Variants in TTC21B observed in about 807,000 individuals in gnomAD.
The protein encoded by TTC21B is tetratricopeptide repeat protein 21B.
Under a neutral mutation model 175.1 loss-of-function variants are expected in TTC21B, and 127 were observed. The observed-to-expected ratio is 0.73, with a 90% CI of 0.63 to 0.84. The LOEUF is 0.84. Among genes scored for constraint, TTC21B ranks in the 40% least tolerant of loss-of-function variants. The pLI is 0.00. For synonymous variants in TTC21B, 524 were observed against 524.5 expected (o/e 1.00, Z 0.01); for missense variants, 1,561 against 1,558.3 (o/e 1.00, Z -0.03).
intron 1 of TTC21B, chr2:165,949,951 A>C (rs1486267881): frequency 2.4e-6 from 1 of 412,388 alleles, no homozygotes; most frequent in Admixed American, 4.1e-5. Flanking sequence ...TAATAATTTA[A>C]ATTATTTTTC....
At chr2:165,910,820 G>C (rs772033285) in intron 18 of TTC21B, among the ~76,000 whole-genome samples, 1 of 151,832 alleles carries the variant, frequency 6.6e-6, no homozygotes, top group Non-Finnish European at 1.5e-5. Context: ...AAAAATTGCA[G>C]AAAAGGAAGA....
At chr2:165,913,699 A>AAAAAT (rs1686042028) in intron 15 of TTC21B, 53 bp from the exon 16 acceptor site, 3 of 1,429,518 alleles carry the variant, frequency 2.1e-6, no homozygotes, top group East Asian at 2.3e-5. Flanking sequence ...ATCTTCTTCC[A>AAAAAT]AAAATAAAAT....
At chr2:165,909,504 A>G (rs1004289078) in intron 18 of TTC21B, among the ~76,000 whole-genome samples, 4 of 152,162 alleles carry the variant, frequency 2.6e-5, no homozygotes, top group Admixed American at 2.6e-4. Context: ...TTAAAGACAA[A>G]GAATATAAAT....
rs1685457551 is a variant in TTC21B at position 165,898,850 on chromosome 2, A to G, written c.2869-83T>C. The G allele has an allele frequency of 1.0e-5, 9 of 864,800 alleles. No homozygotes were observed. The South Asian group carries it at 1.2e-4, about 12-fold the overall frequency. The allele number at this position is 864,800 out of a possible 1,614,324, so 53.6% of individuals were successfully genotyped here. ...TTCCAATCAAGATTTAGCACTAGAAAAATATAGATGATAAACATGAGGAGG... is the reference window on the plus strand; with the variant it reads ...TTCCAATCAAGATTTAGCACTAGAAGAATATAGATGATAAACATGAGGAGG... On this transcript the variant is annotated intron_variant, in intron 21 of 28. Transcript: ENST00000243344.
intron 4 of TTC21B, among the ~76,000 whole-genome samples, chr2:165,944,802 T>C (rs1687492499): frequency 6.6e-6 from 1 of 152,154 alleles, no homozygotes; most frequent in Non-Finnish European, 1.5e-5. Flanking sequence ...TCAAGTAACA[T>C]GTCTCATTTC....
rs758150944 is a variant in TTC21B at position 165,883,919 on chromosome 2, T to C, written c.3559A>G (p.Asn1187Asp). The C allele has an allele frequency of 2.5e-6, 4 of 1,614,042 alleles. No individual in the cohort carries two copies. The East Asian group carries it at 6.7e-5, about 27-fold the overall frequency. ...RNQLKRIAKM[N>D]WNAIDAEEFE... ...TCTTCAGCATCAATAGCATTCCAATTCATTTTCGCAATACGCTTCAGCTGG... is the reference window on the plus strand; with the variant it reads ...TCTTCAGCATCAATAGCATTCCAATCCATTTTCGCAATACGCTTCAGCTGG... Residue 1187 changes from asparagine (N) to aspartate (D), a missense_variant, in exon 26 of 29, where the codon AAT becomes GAT. Physicochemically the swap from Asn to Asp is conservative, Grantham distance 23 (BLOSUM62 1). Transcript: ENST00000243344.
chr2:165,881,728 T>C (rs1279941398), intron 26 of TTC21B, among the ~76,000 whole-genome samples: 1 of 152,130 alleles, frequency 6.6e-6, no homozygotes, highest in Non-Finnish European at 1.5e-5. Flanking sequence ...CACTGAGGCA[T>C]AAAAACATGG....
intron 1 of TTC21B, among the ~76,000 whole-genome samples, chr2:165,952,296 T>G (rs965970526): frequency 2.0e-5 from 3 of 152,254 alleles, no homozygotes; most frequent in Admixed American, 1.3e-4. Context: ...CAAATTTCAG[T>G]GTTCATAAAT....
intron 24 of TTC21B, among the ~76,000 whole-genome samples, chr2:165,889,369 A>C (rs12615254): frequency 0.018 from 2,745 of 152,240 alleles, 118 homozygotes; most frequent in Admixed American, 0.099. Context: ...CTTAAATGTT[A>C]GCAAGCTTAA....
intron 5 of TTC21B, among the ~76,000 whole-genome samples, chr2:165,941,562 C>A (rs1443771820): frequency 6.6e-6 from 1 of 151,814 alleles, no homozygotes; most frequent in Non-Finnish European, 1.5e-5. Flanking sequence ...AATTTTGCAT[C>A]TTTTTTAAGA....
In TTC21B at chr2:165,953,756, C is replaced by T; in HGVS notation, c.-51G>A. The T allele has an allele frequency of 6.5e-7, 1 of 1,546,312 alleles. No homozygotes were observed. The highest frequency in any genetic ancestry group is 1.2e-5 in the South Asian group (1 of 83,982). On this transcript the variant is annotated 5_prime_UTR_variant, in exon 1 of 29. Transcript: ENST00000243344. The stretch of plus-strand genomic sequence containing the variant: ...GCTCTGGGGATTGTCTCGCCGCAGC[C>T]TAAAGGAAGACGCAGAATTCAGCTC...
intron 22 of TTC21B, among the ~76,000 whole-genome samples, chr2:165,896,822 G>A (rs535991678): frequency 1.3e-5 from 2 of 152,208 alleles, no homozygotes; most frequent in African/African-American, 4.8e-5. Context: ...ATTAGATTCA[G>A]CTAAAAGATA....
At chr2:165,902,109 C>T (rs1305899458) in intron 19 of TTC21B, among the ~76,000 whole-genome samples, 199 bp from the exon 20 acceptor site, 2 of 152,152 alleles carry the variant, frequency 1.3e-5, no homozygotes, top group South Asian at 2.1e-4. Flanking sequence ...TATATCTTTC[C>T]AACAAAACAC....
intron 20 of TTC21B, 62 bp from the exon 21 acceptor site, chr2:165,899,942 T>C (rs1241342063): frequency 3.1e-6 from 3 of 979,054 alleles, no homozygotes; most frequent in African/African-American, 3.6e-5. Context: ...ATGAGGAAAA[T>C]ACGTGGGTAC....
chr2:165,889,300 T>C (rs1685109989), intron 24 of TTC21B, among the ~76,000 whole-genome samples: 1 of 152,142 alleles, frequency 6.6e-6, no homozygotes. Flanking sequence ...TACACAGCTT[T>C]AGTTCTCTTT....
intron 20 of TTC21B, 121 bp from the exon 21 acceptor site, chr2:165,900,001 T>TAA: frequency 1.6e-5 from 2 of 127,920 alleles, no homozygotes; most frequent in East Asian, 2.2e-4. Context: ...ATGCCAAGTA[T>TAA]AATAGACAAA....
chr2:165,930,271 G>T lies in TTC21B; in HGVS notation c.988C>A (p.Leu330Ile). Residue 330 changes from leucine (L) to isoleucine (I), a missense_variant, in exon 9 of 29, where the codon CTT becomes ATT. By Grantham distance (5) the Leu-to-Ile change is conservative (BLOSUM62 2). Transcript: ENST00000243344. ...NPQQSEFATE[L>I]GYQMILQGRV... is the part of the protein sequence containing the mutation. ...CCTTGTAAAATCATTTGGTATCCAA[G>T]TTCTGTAGCAAATTCTGATTGCTGA... The T allele has an allele frequency of 6.2e-7, 1 of 1,613,108 alleles. No individual in the cohort carries two copies. Among genetic ancestry groups the T allele is most frequent in the East Asian group, 2.2e-5 (1 of 44,810 alleles).
intron 6 of TTC21B, among the ~76,000 whole-genome samples, chr2:165,938,844 A>G (rs912199135): frequency 6.6e-6 from 1 of 152,130 alleles, no homozygotes. Flanking sequence ...ACCAATCACC[A>G]TATGTGGACT....
At chr2:165,883,675 C>T (rs1392686430) in intron 26 of TTC21B, 119 bp downstream of exon 26, 6 of 806,370 alleles carry the variant, frequency 7.4e-6, no homozygotes, top group South Asian at 1.5e-5. Flanking sequence ...TAAGAATAAA[C>T]ATTTAATTTT....
Sources: gnomAD v4.1 joint callset for allele counts (sites outside exome capture counted in the v4.1 genomes callset) on GRCh38, gnomAD v4.1.1 for gene constraint, MANE v1.5 for transcripts, NCBI Gene and HGNC (gene_info 2026-07-23, HGNC 2026-07-21) for gene names.